DISP1: variants seen among roughly 807,000 people sequenced by gnomAD.
DISP1 encodes dispatched RND transporter family member 1, also known as protein dispatched homolog 1.
DISP1 carries 30 observed loss-of-function variants against 37.3 expected under a neutral mutation model. The observed-to-expected ratio is 0.80, with a 90% CI of 0.60 to 1.09. The LOEUF (loss-of-function observed/expected upper bound fraction) is 1.09. Among genes scored for constraint, DISP1 ranks in the 50% least tolerant of loss-of-function variants. The probability of loss-of-function intolerance (pLI) is 0.00; values close to 1 mark genes in which losing one functional copy is unlikely to be tolerated. For synonymous variants in DISP1, 634 were observed against 690.2 expected, an observed-to-expected ratio of 0.92 and a Z score of 1.28; for missense variants, 1,598 against 1,879.5, an observed-to-expected ratio of 0.85 and a Z score of 2.77.
intron 2 of DISP1, among the ~76,000 whole-genome samples, chr1:222,936,627 CT>C (rs1673764445): frequency 4.7e-5 from 4 of 84,384 alleles, no homozygotes; most frequent in South Asian, 3.7e-4. Flanking sequence ...ATATATATAT[CT>C]CTCATATATA....
chr1:222,968,956 A>T (rs1356694463), intron 3 of DISP1, among the ~76,000 whole-genome samples: 1 of 152,076 alleles, frequency 6.6e-6, no homozygotes, highest in Non-Finnish European at 1.5e-5. Context: ...GTTTTACCAA[A>T]GATGGTAATT....
rs1459393340 is a variant in DISP1 at position 222,992,049 on chromosome 1, A to G, written c.828A>G (p.Glu276=). The G allele has an allele frequency of 4.3e-6, 7 of 1,613,988 alleles. No homozygotes were observed. The highest frequency in any genetic ancestry group is 5.9e-6 in the Non-Finnish European group (7 of 1,179,902). The part of the protein sequence containing the change: ...RDDRWSDDHY[E]REKREVDWNF... ...ATAGATGGTCAGATGATCATTATGA[A>G]AGAGAGAAAAGAGAAGTTGACTGGA... The change falls in exon 7 of 9, where the codon GAA becomes GAG. Residue 276 remains glutamate, a synonymous_variant. Coordinates refer to ENST00000675850, the MANE Select transcript of DISP1 (RefSeq NM_001377229.1).
rs771868499 is a variant in DISP1 at position 223,005,008 on chromosome 1, C to T, written c.3611C>T (p.Ala1204Val). 3 of 1,614,058 alleles carry T rather than the reference C, an allele frequency of 1.9e-6. No homozygotes were observed. Among genetic ancestry groups the T allele is most frequent in the South Asian group, 1.1e-5 (1 of 91,092 alleles). The change falls in exon 9 of 9, where the codon GCC becomes GTC. Residue 1204 changes from alanine (A) to valine (V), a missense_variant. Ala to Val is a moderately conservative substitution (Grantham distance 64). Coordinates refer to ENST00000675850, the MANE Select transcript of DISP1 (RefSeq NM_001377229.1). ...CCTCTGGCTTCCCACAGCTGCACTGCCCCTGAGAAGACCACTTATGAAGAG... is the reference window on the plus strand; with the variant it reads ...CCTCTGGCTTCCCACAGCTGCACTGTCCCTGAGAAGACCACTTATGAAGAG... ...LEPLASHSCT[A>V]PEKTTYEETH...
chr1:222,888,357 A>G (rs868114490), intron 1 of DISP1, among the ~76,000 whole-genome samples: 1 of 152,200 alleles, frequency 6.6e-6, no homozygotes, highest in Non-Finnish European at 1.5e-5. Context: ...TACACACATT[A>G]TATACATTGA....
Position 223,003,217 on chromosome 1 carries a change from C to T in DISP1, c.1820C>T (p.Ser607Phe). 6.2e-7 allele frequency: 1 copy of T among 1,614,230 alleles called. No individual in the cohort carries two copies. Among genetic ancestry groups the T allele is most frequent in the Non-Finnish European group, 8.5e-7 (1 of 1,180,038 alleles). Residue 607 changes from serine to phenylalanine, a missense_variant, in exon 9 of 9, where the codon TCC (serine) becomes TTC (phenylalanine). Transcript: ENST00000675850. This position sits in a 1 kb window ranked among gnomAD's most constrained non-coding sequence, Gnocchi z 4.3. ...ATCACCTTGCAGCACGCTGCCCTCTCCATGTTCGTCACCAGTTTTACCACT... is the reference window on the plus strand; with the variant it reads ...ATCACCTTGCAGCACGCTGCCCTCTTCATGTTCGTCACCAGTTTTACCACT... ...VSITLQHAAL[S>F]MFVTSFTTAA...
chr1:222,846,707 A>T (rs1238883667), intron 1 of DISP1, among the ~76,000 whole-genome samples: 1 of 152,264 alleles, frequency 6.6e-6, no homozygotes, highest in African/African-American at 2.4e-5. Context: ...AAACTAGAAT[A>T]TAGGACAAAG....
chr1:222,918,552 G>A (rs116314332), intron 1 of DISP1, among the ~76,000 whole-genome samples: 1 of 152,242 alleles, frequency 6.6e-6, no homozygotes, highest in African/African-American at 2.4e-5. Flanking sequence ...GGAATCGAGG[G>A]ATTTGGAAGT....
At chr1:222,989,978 A>C (rs1234814037) in intron 4 of DISP1, among the ~76,000 whole-genome samples, 5 of 151,780 alleles carry the variant, frequency 3.3e-5, no homozygotes, top group Admixed American at 3.3e-4. Context: ...AATTTTTTGT[A>C]TTTTTAGTAA....
At position 223,005,490 on chromosome 1, in the gene DISP1, G is replaced by A. The variant is rs1679837427; in HGVS notation, c.4093G>A (p.Ala1365Thr). Residue 1365 changes from alanine to threonine, a missense_variant, in exon 9 of 9, where the codon GCC becomes ACC. Ala to Thr is a moderately conservative substitution (Grantham distance 58, BLOSUM62 0). Coordinates refer to ENST00000675850, the MANE Select transcript of DISP1 (RefSeq NM_001377229.1). Reference sequence around the variant, plus strand: ...CCTCCACCCAGTGCAGCACATTCAGGCCCAAGAAAAAATTGGCAAGACCAA... The same window carrying A: ...CCTCCACCCAGTGCAGCACATTCAGACCCAAGAAAAAATTGGCAAGACCAA... ...FFLHPVQHIQ[A>T]QEKIGKTNVH... is the part of the protein sequence containing the mutation. The A allele has an allele frequency of 6.2e-7, 1 of 1,613,708 alleles. No individual in the cohort carries two copies. Among genetic ancestry groups the A allele is most frequent in the African/African-American group, 1.3e-5 (1 of 74,864 alleles).
intron 2 of DISP1, among the ~76,000 whole-genome samples, chr1:222,940,209 A>G (rs970978524): frequency 1.3e-5 from 2 of 152,158 alleles, no homozygotes; most frequent in African/African-American, 4.8e-5. Flanking sequence ...ACGATTCTGC[A>G]GGCTGTACAG....
Position 222,942,947 on chromosome 1 carries a change from C to T in DISP1, c.124C>T (p.Pro42Ser). ...DGDHAAQQLT[P>S]KEATRTKVSP... ...AGACCATGCAGCCCAGCAGCTCACACCCAAAGAAGCAACAAGAACAAAAGT... is the reference window on the plus strand; with the variant it reads ...AGACCATGCAGCCCAGCAGCTCACATCCAAAGAAGCAACAAGAACAAAAGT... Residue 42 changes from proline (P) to serine (S), a missense_variant, in exon 3 of 9, where the codon CCC becomes TCC. Pro to Ser is a moderately conservative substitution (Grantham distance 74, BLOSUM62 -1). Transcript: ENST00000675850. 1.9e-6 allele frequency: 3 copies of T among 1,614,170 alleles called. No individual in the cohort carries two copies. In the South Asian group the frequency reaches 3.3e-5, roughly 18 times the overall value.
rs756933459 is a variant in DISP1, at chr1:222,994,999, C to A, written c.987+17C>A. The A allele has an allele frequency of 6.4e-7, 1 of 1,563,630 alleles. No homozygotes were observed. The highest frequency in any genetic ancestry group is 8.8e-7 in the Non-Finnish European group (1 of 1,134,974). ...AATTCCAGGGTATGTAAGATAAAAA[C>A]TAAAATCTCCTTAGCACAAATAAGG... is the stretch of plus-strand genomic sequence containing the variant. On this transcript the variant is annotated intron_variant, in intron 8 of 8. Transcript: ENST00000675850.
chr1:222,836,762 T>TATATAC (rs1014185520), intron 1 of DISP1, among the ~76,000 whole-genome samples: 18 of 147,468 alleles, frequency 1.2e-4, no homozygotes, highest in Admixed American at 2.0e-4. Context: ...TATATATATA[T>TATATAC]ACACACACAC....
chr1:222,858,289 A>G (rs1025851421), intron 1 of DISP1, among the ~76,000 whole-genome samples: 6 of 152,196 alleles, frequency 3.9e-5, no homozygotes, highest in African/African-American at 1.4e-4. Flanking sequence ...CAGAAAATTG[A>G]AAGTGGACCC....
In DISP1 at chr1:223,005,140, G is replaced by T. The variant is rs1679797392; in HGVS notation, c.3743G>T (p.Gly1248Val). The T allele has an allele frequency of 1.2e-6, 2 of 1,614,152 alleles. No homozygotes were observed. Among genetic ancestry groups the T allele is most frequent in the Non-Finnish European group, 1.7e-6 (2 of 1,180,008 alleles). ...ELSKSTESDA[G>V]SALLQPPLEQ... ...AGCAAAAGCACTGAAAGTGACGCTG[G>T]CTCTGCCTTGTTACAGCCCCCTCTT... The change falls in exon 9 of 9, where the codon GGC (glycine) becomes GTC (valine). Residue 1248 changes from glycine (G) to valine (V), a missense_variant. Transcript: ENST00000675850.
chr1:222,875,898 A>T (rs1249509912), intron 1 of DISP1, among the ~76,000 whole-genome samples: 1 of 151,754 alleles, frequency 6.6e-6, no homozygotes, highest in Non-Finnish European at 1.5e-5. Context: ...GATGCCTGTT[A>T]TGAATTAACA....
chr1:222,953,278 AT>A (rs1675360783), intron 3 of DISP1, among the ~76,000 whole-genome samples: 1 of 151,976 alleles, frequency 6.6e-6, no homozygotes, highest in Admixed American at 6.6e-5. Flanking sequence ...TCTGTTCTCC[AT>A]TTTTGTTCCT....
At chr1:222,975,871 C>T (rs191496763) in intron 3 of DISP1, among the ~76,000 whole-genome samples, 72 of 152,292 alleles carry the variant, frequency 4.7e-4, no homozygotes, top group Non-Finnish European at 8.8e-4. Context: ...AATAATGTCA[C>T]TGTCACTCAC....
At chr1:222,823,080 G>A (rs1415295531) in intron 1 of DISP1, among the ~76,000 whole-genome samples, 1 of 152,038 alleles carries the variant, frequency 6.6e-6, no homozygotes, top group Non-Finnish European at 1.5e-5. Flanking sequence ...ACTGTTGGTG[G>A]GAATATAAAT....
Sources: gnomAD v4.1 joint callset for allele counts (sites outside exome capture counted in the v4.1 genomes callset) on GRCh38, gnomAD v4.1.1 for gene constraint, Gnocchi (gnomAD v3.1) non-coding constraint, MANE v1.5 for transcripts, NCBI Gene and HGNC (gene_info 2026-07-23, HGNC 2026-07-21) for gene names.